Variants in RANBP9 observed in about 807,000 individuals in gnomAD.
RANBP9 encodes ran-binding protein 9.
A neutral mutation model predicts 84.3 loss-of-function variants in RANBP9; 15 were observed. The observed-to-expected ratio is 0.18, with a 90% confidence interval of 0.12 to 0.27. The LOEUF (loss-of-function observed/expected upper bound fraction) is 0.27. RANBP9 is among the 10% of genes least tolerant of loss of function. The pLI, the probability that RANBP9 is intolerant of heterozygous loss-of-function variation, is 1.00. For synonymous variants in RANBP9, 392 were observed against 349.6 expected (o/e 1.12, Z -1.35); for missense variants, 809 against 912.8 (o/e 0.89, Z 1.46).
At position 13,632,500 on chromosome 6, in the gene RANBP9, C is replaced by T. The variant is rs983830544; in HGVS notation, c.1817G>A (p.Arg606Lys). 1 of 1,613,444 alleles carries T rather than the reference C, an allele frequency of 6.2e-7. No homozygotes were observed. Among genetic ancestry groups the T allele is most frequent in the Non-Finnish European group, 8.5e-7 (1 of 1,179,614 alleles). ...CTGACTTCCTCCACACAACTGGCGT[C>T]TCAACTGACTTGAATCAACTTCTGT... Reference protein sequence around the residue: ...TEMEVDSSQLRRQLCGGSQAA... With the variant: ...TEMEVDSSQLKRQLCGGSQAA... Residue 606 changes from arginine (R) to lysine (K), a missense_variant, in exon 12 of 14, where the codon AGA becomes AAA. Around this residue, in one of 5 missense-constraint regions of RANBP9, gnomAD observed 233 missense variants for 234.4 expected, o/e 0.99. Coordinates refer to ENST00000011619, the MANE Select transcript of RANBP9 (RefSeq NM_005493.3).
rs1391361623 is a variant in RANBP9 at position 13,634,461 on chromosome 6, G to A, written c.1765C>T (p.His589Tyr). Residue 589 changes from histidine to tyrosine, a missense_variant, in exon 11 of 14, where the codon CAC becomes TAC. Physicochemically the swap from His to Tyr is moderately conservative, Grantham distance 83. Transcript: ENST00000011619. ...GFLNGSSKHD[H>Y]EMEDCDTEME... ...TCGGTGTCACAATCTTCCATTTCGT[G>A]GTCATGTTTAGAGCTACCATTTAGG... 1 of 1,613,154 alleles carries A rather than the reference G, an allele frequency of 6.2e-7. No homozygotes were observed. Among genetic ancestry groups the A allele is most frequent in the East Asian group, 2.2e-5 (1 of 44,854 alleles).
At chr6:13,707,787 T>A (rs1758165021) in intron 1 of RANBP9, among the ~76,000 whole-genome samples, 1 of 152,102 alleles carries the variant, frequency 6.6e-6, no homozygotes, top group African/African-American at 2.4e-5. Context: ...CAATCTGTTG[T>A]TGAAACATTT....
intron 2 of RANBP9, among the ~76,000 whole-genome samples, chr6:13,689,307 T>C (rs1343641307): frequency 6.6e-6 from 1 of 151,516 alleles, no homozygotes; most frequent in Non-Finnish European, 1.5e-5. Context: ...AGTCTCACTC[T>C]GTCGCTAGGC....
rs533934662 is a variant in RANBP9 at position 13,628,684 on chromosome 6, T to C, written c.1948-2920A>G. On this transcript the variant is annotated intron_variant, in intron 12 of 13. Transcript: ENST00000011619. Reference sequence around the variant, plus strand: ...GTCGTAAACATCTAGGACTTGATTCTTTCTTCACAAAGGAAAATGAATGAA... The same window carrying C: ...GTCGTAAACATCTAGGACTTGATTCCTTCTTCACAAAGGAAAATGAATGAA... Among the ~76,000 whole-genome samples the C allele has an allele frequency of 5.0e-4, 76 of 152,354 alleles. 4 individuals are homozygous for C. In the South Asian group the frequency reaches 0.016, roughly 31 times the overall value.
chr6:13,685,911 C>A (rs1315367149), intron 2 of RANBP9, among the ~76,000 whole-genome samples: 30 of 144,872 alleles, frequency 2.1e-4, no homozygotes, highest in Admixed American at 4.9e-4. Flanking sequence ...AGCCTGGCAA[C>A]AGAGCGAGAC....
chr6:13,679,820 T>A (rs113152502), intron 2 of RANBP9, among the ~76,000 whole-genome samples: 6 of 152,270 alleles, frequency 3.9e-5, no homozygotes, highest in African/African-American at 1.4e-4. Context: ...GTTTTACTGT[T>A]TTGTTTTTCA....
At chr6:13,697,949 T>G (rs1757879511) in intron 1 of RANBP9, among the ~76,000 whole-genome samples, 2 of 152,224 alleles carry the variant, frequency 1.3e-5, no homozygotes, top group Non-Finnish European at 2.9e-5. Flanking sequence ...CTCCTTAAAT[T>G]TATGATTGTT....
intron 1 of RANBP9, among the ~76,000 whole-genome samples, chr6:13,709,041 C>A (rs1345918685): frequency 6.6e-6 from 1 of 152,160 alleles, no homozygotes; most frequent in Non-Finnish European, 1.5e-5. Context: ...TAGTATTACA[C>A]AACAGAAAGT....
intron 4 of RANBP9, among the ~76,000 whole-genome samples, chr6:13,655,542 G>A (rs1437535946): frequency 3.3e-5 from 5 of 151,984 alleles, no homozygotes; most frequent in Non-Finnish European, 7.4e-5. Context: ...CCTTTTTAAA[G>A]ACACATCTTA....
At position 13,624,873 on chromosome 6, in the gene RANBP9, G is replaced by A. The variant is rs116133828; in HGVS notation, c.2059+780C>T. On this transcript the variant is annotated intron_variant, in intron 13 of 13. Transcript: ENST00000011619. The stretch of plus-strand genomic sequence containing the variant: ...TGTGACATCAAGGCTTGATCCTGCC[G>A]GGTACTCACAAGTCATCAGGAAGCC... Among the ~76,000 whole-genome samples the A allele has an allele frequency of 6.1e-3, 931 of 152,194 alleles. 5 individuals carry two copies. Among genetic ancestry groups the A allele is most frequent in the African/African-American group, 0.021 (861 of 41,542 alleles).
chr6:13,682,885 A>G (rs970112802), intron 2 of RANBP9, among the ~76,000 whole-genome samples: 2 of 152,262 alleles, frequency 1.3e-5, no homozygotes, highest in Admixed American at 6.5e-5. Context: ...TTTGAAATGC[A>G]TTTTAAAAAG....
chr6:13,690,264 C>T (rs975808244), intron 2 of RANBP9, among the ~76,000 whole-genome samples: 2 of 152,084 alleles, frequency 1.3e-5, no homozygotes, highest in Non-Finnish European at 2.9e-5. Context: ...CAGCTGCTGA[C>T]GATGTGCTAT....
chr6:13,700,419 T>C (rs1757939287), intron 1 of RANBP9, among the ~76,000 whole-genome samples: 1 of 152,196 alleles, frequency 6.6e-6, no homozygotes, highest in African/African-American at 2.4e-5. Context: ...CAGCACTATT[T>C]CAATTCTTCA....
intron 12 of RANBP9, 88 bp from the exon 13 acceptor site, chr6:13,625,852 C>CTGGTGTAGGGAGAGTGGAAGGCAAAACA: frequency 2.2e-6 from 2 of 897,404 alleles, no homozygotes; most frequent in African/African-American, 3.3e-5. Flanking sequence ...TAAAATATGG[C>CTGGTGTAGGGAGAGTGGAAGGCAAAACA]TTCCAGGCAC....
rs1165067661 is a variant in RANBP9 at position 13,621,839 on chromosome 6, T to C, written c.*523A>G. On this transcript the variant is annotated 3_prime_UTR_variant, in exon 14 of 14. Transcript: ENST00000011619. ...ACATATTCACTCAGCTCCTGAGTAT[T>C]TCAAGTTTTACAGTACACATTAAAA... The C allele has an allele frequency of 6.5e-6, 1 of 152,682 alleles. No homozygotes were observed. Among genetic ancestry groups the C allele is most frequent in the African/African-American group, 2.4e-5 (1 of 41,460 alleles). 9.5% of individuals were successfully genotyped at this position (152,682 alleles called of 1,614,324 possible).
intron 12 of RANBP9, among the ~76,000 whole-genome samples, chr6:13,627,904 A>C (rs1764663538): frequency 6.6e-6 from 1 of 152,188 alleles, no homozygotes; most frequent in South Asian, 2.1e-4. Flanking sequence ...TAGTGCAGCA[A>C]ACCACCATGG....
rs747486243 is a variant in RANBP9, at chr6:13,711,474, TGCGGCG to T, written c.26_31del (p.Pro9_Pro10del). 6.6e-5 allele frequency: 81 copies of T among 1,233,986 alleles called. 1 individual carries two copies. Among genetic ancestry groups the T allele is most frequent in the South Asian group, 6.4e-4 (18 of 28,144 alleles). The allele number at this position is 1,233,986 out of a possible 1,614,324, so 76.4% of individuals were successfully genotyped here. A position where few individuals can be genotyped will look rare whatever the true frequency, so the allele number is the denominator to read the frequency against. ...CAGCTGCTGCTGCTGTTGCTGCTGC[TGCGGCG>T]GCGGCGGCGGCGGCTGCCCGGACAT... On this transcript the variant is annotated inframe_deletion, in exon 1 of 14. Transcript: ENST00000011619.
rs2127756457 is a variant in RANBP9 at position 13,622,260 on chromosome 6, C to CA, written c.*101dup. On this transcript the variant is annotated 3_prime_UTR_variant, in exon 14 of 14. Coordinates refer to ENST00000011619, the MANE Select transcript of RANBP9 (RefSeq NM_005493.3). ...ATGTAAAGCGACAAAAACCTGTCCC[C>CA]AGTACATAATTTAAAAAATCTAAAT... 2 of 1,224,482 alleles carry CA rather than the reference C, an allele frequency of 1.6e-6. No individual in the cohort carries two copies. Among genetic ancestry groups the CA allele is most frequent in the South Asian group, 6.0e-5 (2 of 33,544 alleles). The allele number at this position is 1,224,482 out of a possible 1,614,324, so 75.9% of individuals were successfully genotyped here.
chr6:13,652,688 AG>A lies in RANBP9; in HGVS notation c.905-8del. ...AGGTCAGTGAAAGCAATACCTAAAA[AG>A]AAAAAAAAAAGTGGCATTAGAAGCT... is the stretch of plus-strand genomic sequence containing the variant. On this transcript the variant is annotated splice_region_variant and splice_polypyrimidine_tract_variant and intron_variant, in intron 4 of 13. Transcript: ENST00000011619. 6.3e-7 allele frequency: 1 copy of A among 1,594,982 alleles called. No individual in the cohort carries two copies. Among genetic ancestry groups the A allele is most frequent in the Non-Finnish European group, 8.6e-7 (1 of 1,166,974 alleles).
Sources: allele counts gnomAD v4.1 joint callset (sites outside exome capture counted in the v4.1 genomes callset), GRCh38; gene constraint gnomAD v4.1.1; regional missense constraint gnomAD v4.1.1; transcripts MANE v1.5; gene names NCBI Gene and HGNC (gene_info 2026-07-23, HGNC 2026-07-21).